The following HIVEP1 variants were observed in gnomAD, a reference collection of about 807,000 sequenced individuals.
The protein encoded by HIVEP1 is zinc finger protein 40.
Under a neutral mutation model 180.0 loss-of-function variants are expected in HIVEP1, and 36 were observed. The ratio of observed to expected loss-of-function variants is 0.20; its 90% CI spans 0.15 to 0.26. The LOEUF (loss-of-function observed/expected upper bound fraction) is 0.26. HIVEP1 is among the 10% of genes least tolerant of loss of function. The pLI is 1.00. For missense variants in HIVEP1, 3,143 were observed against 3,268.7 expected, an observed-to-expected ratio of 0.96 and a Z score of 0.94; for synonymous variants, 1,239 against 1,239.0, an observed-to-expected ratio of 1.00 and a Z score of 0.00.
At chr6:12,152,925 C>G (rs1759793222) in intron 7 of HIVEP1, among the ~76,000 whole-genome samples, 1 of 152,132 alleles carries the variant, frequency 6.6e-6, no homozygotes, top group African/African-American at 2.4e-5. Context: ...TTTTACACTT[C>G]AAATAGTTTT....
rs151001614 is a variant in HIVEP1 at position 12,106,461 on chromosome 6, G to A, written c.95-13429G>A. 4.5e-3 allele frequency among the ~76,000 whole-genome samples: 681 copies of A among 152,094 alleles called. 8 individuals are homozygous for A. Among genetic ancestry groups the A allele is most frequent in the Middle Eastern group, 0.014 (4 of 294 alleles). On this transcript the variant is annotated intron_variant, in intron 3 of 8. Coordinates refer to ENST00000379388, the MANE Select transcript of HIVEP1 (RefSeq NM_002114.4). ...TCTGTATGTTTAGAATTTTCTGTGC[G>A]AAATTATTTCATGGCATTTTAATAT...
intron 2 of HIVEP1, among the ~76,000 whole-genome samples, chr6:12,026,812 A>G (rs750984621): frequency 1.3e-5 from 2 of 152,254 alleles, no homozygotes; most frequent in African/African-American, 2.4e-5. Flanking sequence ...TCAGAAGATC[A>G]TCATGTGTAT....
intron 3 of HIVEP1, among the ~76,000 whole-genome samples, chr6:12,090,540 T>C (rs191381199): frequency 1.1e-3 from 172 of 152,116 alleles, no homozygotes; most frequent in African/African-American, 4.0e-3. Flanking sequence ...GCTCCTTCCA[T>C]GGGAGCTCTG....
At chr6:12,023,650 G>A (rs9470756) in intron 2 of HIVEP1, among the ~76,000 whole-genome samples, 21,476 of 121,160 alleles carry the variant, frequency 0.18, 1,557 homozygotes, top group Admixed American at 0.24. Flanking sequence ...AACATAGCAA[G>A]CCTCCTTTTT....
the HIVEP1 span, among the ~76,000 whole-genome samples, chr6:12,191,891 A>G: frequency 3.9e-5 from 6 of 152,340 alleles, no homozygotes; most frequent in East Asian, 9.6e-4. Context: ...CCTGAAAAAT[A>G]TATAATGTCA....
intron 3 of HIVEP1, among the ~76,000 whole-genome samples, chr6:12,111,287 C>T (rs535159044): frequency 6.6e-4 from 100 of 152,308 alleles, no homozygotes; most frequent in South Asian, 5.0e-3. Context: ...TGCCACAAAC[C>T]CTTAATGCAA....
At chr6:12,160,666 G>A (rs1230101225) in intron 7 of HIVEP1, among the ~76,000 whole-genome samples, 1 of 152,246 alleles carries the variant, frequency 6.6e-6, no homozygotes, top group Non-Finnish European at 1.5e-5. Flanking sequence ...TTACCGAGTA[G>A]ACTGTTAGAC....
At chr6:12,205,204 G>C in the HIVEP1 span, among the ~76,000 whole-genome samples, 1 of 152,190 alleles carries the variant, frequency 6.6e-6, no homozygotes, top group Non-Finnish European at 1.5e-5. Context: ...GGGCGCGGTG[G>C]CTCATGCCTG....
intron 3 of HIVEP1, among the ~76,000 whole-genome samples, chr6:12,115,301 T>C (rs894573230): frequency 2.0e-5 from 3 of 151,256 alleles, no homozygotes; most frequent in African/African-American, 7.3e-5. Context: ...AAAGTGTCAG[T>C]GACTTCACAT....
rs760832981 is a variant in HIVEP1, at chr6:12,124,023, C to A, written c.4228C>A (p.Pro1410Thr). ...TACTGAATTGCAGCCTCCATCTTCA[C>A]CTTCTCGAGTGGGAGTGACTGGGCA... Reference protein sequence around the residue: ...PLTELQPPSSPSRVGVTGHVP... With the variant: ...PLTELQPPSSTSRVGVTGHVP... The change falls in exon 4 of 9, where the codon CCT becomes ACT. Residue 1410 changes from proline to threonine, a missense_variant. Pro to Thr is a conservative substitution (Grantham distance 38). Around this residue, in one of 12 missense-constraint regions of HIVEP1, gnomAD observed 1,357 missense variants for 1,260.5 expected, o/e 1.08. Coordinates refer to ENST00000379388, the MANE Select transcript of HIVEP1 (RefSeq NM_002114.4). 3 of 1,614,152 alleles carry A rather than the reference C, an allele frequency of 1.9e-6. No homozygotes were observed. Among genetic ancestry groups the A allele is most frequent in the East Asian group, 4.5e-5 (2 of 44,894 alleles).
chr6:12,161,390 G>T (rs748660080), intron 7 of HIVEP1, 49 bp from the exon 8 acceptor site: 1 of 1,550,398 alleles, frequency 6.4e-7, no homozygotes. Flanking sequence ...AATAGCACTT[G>T]TGCACTTGGA....
rs560290035 is a variant in HIVEP1, at chr6:12,115,620, G to A, written c.95-4270G>A. 2.5e-3 allele frequency among the ~76,000 whole-genome samples: 378 copies of A among 152,136 alleles called. 2 individuals carry two copies. Among genetic ancestry groups the A allele is most frequent in the African/African-American group, 8.6e-3 (358 of 41,520 alleles). On this transcript the variant is annotated intron_variant, in intron 3 of 8. Coordinates refer to ENST00000379388, the MANE Select transcript of HIVEP1 (RefSeq NM_002114.4). The stretch of plus-strand genomic sequence containing the variant: ...ACCGGTAGCACACTGACAAGTGGGA[G>A]AATACAGTTTTCAGTGGCTGCCTGA...
At chr6:12,210,928 A>G in the HIVEP1 span, among the ~76,000 whole-genome samples, 2 of 152,094 alleles carry the variant, frequency 1.3e-5, no homozygotes, top group Non-Finnish European at 2.9e-5. Flanking sequence ...GAAATCCTGA[A>G]AAGTCATAAT....
chr6:12,209,920 C>T, the HIVEP1 span, among the ~76,000 whole-genome samples: 1 of 151,886 alleles, frequency 6.6e-6, no homozygotes, highest in African/African-American at 2.4e-5. Context: ...TGTAGGGAAA[C>T]TTTGATTCAG....
intron 3 of HIVEP1, among the ~76,000 whole-genome samples, chr6:12,109,491 C>G (rs990447255): frequency 6.6e-6 from 1 of 152,230 alleles, no homozygotes; most frequent in Non-Finnish European, 1.5e-5. Context: ...GTCATTTCAG[C>G]AGCGTTTACA....
chr6:12,107,895 G>A (rs564349726), intron 3 of HIVEP1, among the ~76,000 whole-genome samples: 1 of 152,080 alleles, frequency 6.6e-6, no homozygotes, highest in Admixed American at 6.5e-5. Context: ...GTTTACAATC[G>A]CTGAGCTAGA....
At chr6:12,051,875 A>G (rs1007727844) in intron 2 of HIVEP1, among the ~76,000 whole-genome samples, 4 of 152,166 alleles carry the variant, frequency 2.6e-5, no homozygotes, top group African/African-American at 9.7e-5. Context: ...CAATCTTGGG[A>G]GAGAACCTCT....
chr6:12,045,003 G>T (rs902100906), intron 2 of HIVEP1, among the ~76,000 whole-genome samples: 3 of 152,220 alleles, frequency 2.0e-5, no homozygotes, highest in African/African-American at 4.8e-5. Context: ...TTTTAAGAAG[G>T]TTCATGTTTA....
chr6:12,182,958 A>G, the HIVEP1 span, among the ~76,000 whole-genome samples: 1 of 152,170 alleles, frequency 6.6e-6, no homozygotes. Flanking sequence ...ACATCTCAGC[A>G]CTGAAGGAGA....
Sources: allele counts gnomAD v4.1 joint callset (sites outside exome capture counted in the v4.1 genomes callset), GRCh38; gene constraint gnomAD v4.1.1; regional missense constraint gnomAD v4.1.1; transcripts MANE v1.5; gene names NCBI Gene and HGNC (gene_info 2026-07-23, HGNC 2026-07-21).